CARMIL1: variants seen among roughly 807,000 people sequenced by gnomAD.
CARMIL1 encodes capping protein regulator and myosin 1 linker 1.
Under a neutral mutation model 177.1 loss-of-function variants are expected in CARMIL1, and 90 were observed. That is an observed-to-expected ratio of 0.51 (90% CI 0.43 to 0.61). CARMIL1 has a LOEUF of 0.61. CARMIL1 is among the 20% of genes least tolerant of loss of function. The pLI is 0.00. For synonymous variants in CARMIL1, 577 were observed against 606.2 expected (o/e 0.95, Z 0.71); for missense variants, 1,380 against 1,667.0 (o/e 0.83, Z 3.00).
intron 2 of CARMIL1, among the ~76,000 whole-genome samples, chr6:25,340,654 C>T (rs953003367): frequency 5.9e-5 from 9 of 152,010 alleles, no homozygotes; most frequent in Admixed American, 2.6e-4. Flanking sequence ...TTAATTACTC[C>T]GGGCAGATCA....
At chr6:25,412,889 A>C (rs1795044212) in intron 2 of CARMIL1, among the ~76,000 whole-genome samples, 1 of 152,208 alleles carries the variant, frequency 6.6e-6, no homozygotes, top group South Asian at 2.1e-4. Context: ...TGAAGAGTGA[A>C]GCTCTAATTT....
intron 3 of CARMIL1, among the ~76,000 whole-genome samples, chr6:25,421,031 A>G (rs1795813794): frequency 6.6e-6 from 1 of 152,210 alleles, no homozygotes; most frequent in Middle Eastern, 3.2e-3. Flanking sequence ...GAGGTTCAGT[A>G]ACTTGACCAA....
In CARMIL1 at chr6:25,449,956, C is replaced by T. The variant is rs1375459420; in HGVS notation, c.430C>T (p.Leu144=). The part of the protein sequence containing the change: ...PSERLASLQA[L]WDSQTVAEQG... ...TGAGCGCCTGGCTAGTCTCCAGGCG[C>T]TGTGGGACAGCCAGACCGTGGCTGA... Residue 144 remains leucine, a synonymous_variant, in exon 6 of 37, where the codon CTG becomes TTG. Coordinates refer to ENST00000329474, the MANE Select transcript of CARMIL1 (RefSeq NM_017640.6). 1.2e-6 allele frequency: 2 copies of T among 1,611,866 alleles called. No homozygotes were observed. Among genetic ancestry groups the T allele is most frequent in the African/African-American group, 1.3e-5 (1 of 74,826 alleles).
At chr6:25,614,062 A>G (rs1041585269) in intron 36 of CARMIL1, among the ~76,000 whole-genome samples, 1 of 152,208 alleles carries the variant, frequency 6.6e-6, no homozygotes, top group African/African-American at 2.4e-5. Context: ...TAACAGCCCA[A>G]TGAGTTATGA....
chr6:25,290,591 A>T (rs1002051523), intron 2 of CARMIL1, among the ~76,000 whole-genome samples: 2 of 151,824 alleles, frequency 1.3e-5, no homozygotes, highest in African/African-American at 2.4e-5. Context: ...AATTTGGGTT[A>T]CATCATCTTT....
At position 25,619,495 on chromosome 6, in the gene CARMIL1, A is replaced by T; in HGVS notation, c.4028A>T (p.Lys1343Met). Residue 1343 changes from lysine (K) to methionine (M), a missense_variant, in exon 37 of 37, where the codon AAG becomes ATG. By Grantham distance (95) the Lys-to-Met change is moderately conservative. Transcript: ENST00000329474. ...GQQAQEYQEQ[K>M]QRSSSKDGHQ... Reference sequence around the variant, plus strand: ...CAGGCCCAGGAGTATCAAGAACAAAAGCAACGGTCCTCCAGTAAAGATGGC... The same window carrying T: ...CAGGCCCAGGAGTATCAAGAACAAATGCAACGGTCCTCCAGTAAAGATGGC... 6.2e-7 allele frequency: 1 copy of T among 1,613,970 alleles called. No individual in the cohort carries two copies. The highest frequency in any genetic ancestry group is 1.3e-5 in the African/African-American group (1 of 75,044).
At chr6:25,537,129 G>A (rs1443820047) in intron 24 of CARMIL1, among the ~76,000 whole-genome samples, 3 of 152,048 alleles carry the variant, frequency 2.0e-5, no homozygotes, top group Admixed American at 1.3e-4. Context: ...ATCTCCCATT[G>A]GGTTTTGTGT....
chr6:25,518,505 A>T (rs114221456), intron 22 of CARMIL1, among the ~76,000 whole-genome samples: 2,839 of 152,260 alleles, frequency 0.019, 65 homozygotes, highest in African/African-American at 0.056. Flanking sequence ...GGCATCACTA[A>T]ATAGGGGTAA....
intron 25 of CARMIL1, among the ~76,000 whole-genome samples, chr6:25,539,306 A>T (rs755307630): frequency 6.6e-6 from 1 of 152,056 alleles, no homozygotes; most frequent in African/African-American, 2.4e-5. Context: ...AACTCTGGGT[A>T]GACAGTGTCA....
At chr6:25,282,498 G>A (rs994064869) in intron 1 of CARMIL1, among the ~76,000 whole-genome samples, 3 of 152,076 alleles carry the variant, frequency 2.0e-5, no homozygotes, top group African/African-American at 7.2e-5. Flanking sequence ...TGCGTACACT[G>A]TCTTTTTCTC....
chr6:25,334,054 G>T (rs940443229), intron 2 of CARMIL1, among the ~76,000 whole-genome samples: 3 of 152,198 alleles, frequency 2.0e-5, no homozygotes, highest in Admixed American at 6.5e-5. Context: ...AACACTTAAA[G>T]TGGTTATTCT....
Position 25,465,894 on chromosome 6 carries a change from T to C in CARMIL1, c.636T>C (p.Ala212=). 1 of 1,612,594 alleles carries C rather than the reference T, an allele frequency of 6.2e-7. No individual in the cohort carries two copies. The highest frequency in any genetic ancestry group is 8.5e-7 in the Non-Finnish European group (1 of 1,178,706). The stretch of plus-strand genomic sequence containing the variant: ...CCAGGGACCTAATACCTATCATTGC[T>C]GCTCTGGAATATAATCAGTGGTTCA... ...LDHRDLIPII[A]ALEYNQWFTK... Residue 212 remains alanine, a synonymous_variant, in exon 9 of 37, where the codon GCT becomes GCC. Coordinates refer to ENST00000329474, the MANE Select transcript of CARMIL1 (RefSeq NM_017640.6).
chr6:25,303,663 G>GC (rs1783042810), intron 2 of CARMIL1, among the ~76,000 whole-genome samples: 2 of 152,220 alleles, frequency 1.3e-5, no homozygotes, highest in East Asian at 3.8e-4. Flanking sequence ...TTTACACAAA[G>GC]GGACTCTGTT....
chr6:25,441,175 G>A (rs1797706916), intron 5 of CARMIL1, among the ~76,000 whole-genome samples: 1 of 151,892 alleles, frequency 6.6e-6, no homozygotes, highest in South Asian at 2.1e-4. Context: ...TTAGCTGGGT[G>A]TGGTGGTATA....
chr6:25,572,480 T>C (rs557784992), intron 29 of CARMIL1, among the ~76,000 whole-genome samples: 9 of 152,058 alleles, frequency 5.9e-5, no homozygotes, highest in Admixed American at 2.0e-4. Context: ...GCAGGAGGAT[T>C]GCTTGAGCTC....
Position 25,552,348 on chromosome 6 carries a change from A to G in CARMIL1, c.2504+1263A>G, listed in dbSNP as rs3804134. On this transcript the variant is annotated intron_variant, in intron 27 of 36. Transcript: ENST00000329474. ...AATAGATCATATTTTGATAGCTTTGAGTATCAAATTCTGTCAAATATGATC... is the reference window on the plus strand; with the variant it reads ...AATAGATCATATTTTGATAGCTTTGGGTATCAAATTCTGTCAAATATGATC... Among the ~76,000 whole-genome samples, 10 of 152,292 alleles carry G rather than the reference A, an allele frequency of 6.6e-5. No individual in the cohort carries two copies. The East Asian group carries it at 1.7e-3, about 26-fold the overall frequency.
chr6:25,580,938 CA>C lies in CARMIL1; in HGVS notation c.2761del (p.Arg921GlyfsTer22). ...TTCATTTCTAGATGACCCCTAAATCCAAAAGGAAGAGTATCCATAGCCGAAT... is the reference window on the plus strand; with the variant it reads ...TTCATTTCTAGATGACCCCTAAATCCAAAGGAAGAGTATCCATAGCCGAAT... ...LDTCMMTPKS[K>X]RKSIHSRMLR... On this transcript the variant is annotated frameshift_variant, in exon 30 of 37. Transcript: ENST00000329474. LOFTEE classifies it high-confidence loss of function. 1 of 1,597,644 alleles carries C rather than the reference CA, an allele frequency of 6.3e-7. No individual in the cohort carries two copies. The highest frequency in any genetic ancestry group is 8.5e-7 in the Non-Finnish European group (1 of 1,171,470).
chr6:25,341,831 C>T (rs1786977852), intron 2 of CARMIL1, among the ~76,000 whole-genome samples: 1 of 152,204 alleles, frequency 6.6e-6, no homozygotes, highest in African/African-American at 2.4e-5. Context: ...CAGAATTTCT[C>T]CACAGGGTTC....
chr6:25,515,954 G>C lies in CARMIL1; in HGVS notation c.1805+107G>C. ...CGAGGGGACCTGGGCTTCCCATGAG[G>C]CCATCTTGAGGAGAAGAGGTGACAA... is the stretch of plus-strand genomic sequence containing the variant. On this transcript the variant is annotated intron_variant, in intron 21 of 36. Coordinates refer to ENST00000329474, the MANE Select transcript of CARMIL1 (RefSeq NM_017640.6). The surrounding 1 kb of genome is among the most constrained non-coding windows in gnomAD (Gnocchi z 5.0). 1 of 1,106,408 alleles carries C rather than the reference G, an allele frequency of 9.0e-7. No homozygotes were observed. 68.5% of individuals were successfully genotyped at this position (1,106,408 alleles called of 1,614,324 possible).
Sources: allele counts gnomAD v4.1 joint callset (sites outside exome capture counted in the v4.1 genomes callset), GRCh38; gene constraint gnomAD v4.1.1; non-coding constraint Gnocchi (gnomAD v3.1); transcripts MANE v1.5; gene names NCBI Gene and HGNC (gene_info 2026-07-23, HGNC 2026-07-21).